Variants in RILPL1 observed in about 807,000 individuals in gnomAD.
RILPL1 encodes RILP-like protein 1.
A neutral mutation model predicts 50.3 loss-of-function variants in RILPL1; 33 were observed. The observed-to-expected ratio is 0.66, with a 90% CI of 0.50 to 0.88. The LOEUF (loss-of-function observed/expected upper bound fraction) is 0.88. Ranked by LOEUF, RILPL1 falls within the 40% of genes least tolerant of loss-of-function variation. The pLI, the probability that RILPL1 is intolerant of heterozygous loss-of-function variation, is 0.00. For synonymous variants in RILPL1, 205 were observed against 228.6 expected (o/e 0.90, Z 0.93); for missense variants, 418 against 542.5 (o/e 0.77, Z 2.28).
intron 1 of RILPL1, among the ~76,000 whole-genome samples, chr12:123,524,370 A>C (rs1313400052): frequency 6.6e-6 from 1 of 152,124 alleles, no homozygotes; most frequent in Admixed American, 6.6e-5. Context: ...TTTGGAAAAC[A>C]CTCTGGCAGT....
chr12:123,505,173 T>C (rs1883655435), intron 2 of RILPL1, among the ~76,000 whole-genome samples: 1 of 152,206 alleles, frequency 6.6e-6, no homozygotes, highest in Non-Finnish European at 1.5e-5. Flanking sequence ...CCTGAGTAGC[T>C]GGTACTACAG....
At chr12:123,521,352 T>C (rs1181978974) in intron 2 of RILPL1, among the ~76,000 whole-genome samples, 3 of 151,914 alleles carry the variant, frequency 2.0e-5, no homozygotes, top group Non-Finnish European at 4.4e-5. Flanking sequence ...CTGGGCCGCC[T>C]GGCTCCAGAA....
In RILPL1 at chr12:123,484,186, T is replaced by C; in HGVS notation, c.1061A>G (p.Lys354Arg). ...RTSPQPESGI[K>R]RLFSFFSRDK... is the part of the protein sequence containing the mutation. ...CTGGCAGCGCATCACTTACAGTCGC[T>C]TGATGCCCGACTCCGGCTGGGGGGA... Residue 354 changes from lysine (K) to arginine (R), a missense_variant, in exon 6 of 7, where the codon AAG (lysine) becomes AGG (arginine). By Grantham distance (26) the Lys-to-Arg change is conservative (BLOSUM62 2). Coordinates refer to ENST00000376874, the MANE Select transcript of RILPL1 (RefSeq NM_178314.5). The C allele has an allele frequency of 6.2e-7, 1 of 1,604,204 alleles. No individual in the cohort carries two copies. Among genetic ancestry groups the C allele is most frequent in the Middle Eastern group, 1.7e-4 (1 of 6,010 alleles).
intron 1 of RILPL1, among the ~76,000 whole-genome samples, chr12:123,530,805 G>A (rs1057453209): frequency 2.0e-5 from 3 of 152,232 alleles, no homozygotes; most frequent in African/African-American, 7.2e-5. Flanking sequence ...ACCAAGAAGG[G>A]CACTGTGCTC....
chr12:123,522,269 C>T lies in RILPL1; in HGVS notation c.460+1226G>A, dbSNP rs1885094542. Among the ~76,000 whole-genome samples the T allele has an allele frequency of 6.6e-6, 1 of 152,220 alleles. No homozygotes were observed. The highest frequency in any genetic ancestry group is 1.5e-5 in the Non-Finnish European group (1 of 68,046). On this transcript the variant is annotated intron_variant, in intron 2 of 6. Coordinates refer to ENST00000376874, the MANE Select transcript of RILPL1 (RefSeq NM_178314.5). The surrounding 1 kb of genome is among the most constrained non-coding windows in gnomAD (Gnocchi z 4.0). ...CCCTGCTTTAGCGGGCAGGAAGCTG[C>T]AGGGCTGAGCAGAGCAGATGCCGCC...
intron 1 of RILPL1, among the ~76,000 whole-genome samples, chr12:123,527,654 C>T (rs1028514097): frequency 1.3e-5 from 2 of 151,958 alleles, no homozygotes; most frequent in Non-Finnish European, 2.9e-5. Flanking sequence ...CAGACTGAAA[C>T]TGTGTCTCAA....
At chr12:123,511,354 CTGTGTGTGGTGTCTGTGTGAGGTCTG>C (rs1884175179) in intron 2 of RILPL1, among the ~76,000 whole-genome samples, 1 of 105,430 alleles carries the variant, frequency 9.5e-6, no homozygotes, top group Non-Finnish European at 2.0e-5. Context: ...AATGTGAGGT[CTGTGTGTGGTGTCTGTGTGAGGTCTG>C]TGTGTGTGGT....
intron 4 of RILPL1, among the ~76,000 whole-genome samples, chr12:123,486,466 C>T (rs912550230): frequency 1.3e-5 from 2 of 152,106 alleles, no homozygotes; most frequent in African/African-American, 4.8e-5. Flanking sequence ...TCTTGCATAG[C>T]GAGGGAGCCT....
Position 123,485,055 on chromosome 12 carries a change from AG to A in RILPL1, c.974+577del, listed in dbSNP as rs1882239564. 4.6e-6 allele frequency: 2 copies of A among 437,050 alleles called. No individual in the cohort carries two copies. The highest frequency in any genetic ancestry group is 5.0e-5 in the Admixed American group (2 of 40,160). 27.1% of individuals were successfully genotyped at this position (437,050 alleles called of 1,614,324 possible). A position where few individuals can be genotyped will look rare whatever the true frequency, so the allele number is the denominator to read the frequency against. On this transcript the variant is annotated intron_variant, in intron 5 of 6. Transcript: ENST00000376874. The surrounding 1 kb of genome is among the most constrained non-coding windows in gnomAD (Gnocchi z 4.0). ...ATGCATCTCTTATCTTCCCCACTGG[AG>A]CAGGGACCACCTCTGGTGCATGGGT...
rs116235386 is a variant in RILPL1, at chr12:123,506,164, C to T, written c.461-6628G>A. On this transcript the variant is annotated intron_variant, in intron 2 of 6. Transcript: ENST00000376874. ...GGCCTCTCAGGGCAGGGGTCATTTC[C>T]GCTGAGACCAGAGGCCACAGAGGAA... Among the ~76,000 whole-genome samples, 363 of 152,260 alleles carry T rather than the reference C, an allele frequency of 2.4e-3. 2 individuals are homozygous for T. The highest frequency in any genetic ancestry group is 8.4e-3 in the African/African-American group (349 of 41,556).
intron 4 of RILPL1, among the ~76,000 whole-genome samples, chr12:123,486,419 C>T (rs1187056339): frequency 6.6e-6 from 1 of 152,186 alleles, no homozygotes; most frequent in Non-Finnish European, 1.5e-5. Context: ...TGCTAAGTCA[C>T]CTGCCCCAGG....
chr12:123,495,094 T>A (rs1354689699), intron 4 of RILPL1, among the ~76,000 whole-genome samples: 1 of 152,180 alleles, frequency 6.6e-6, no homozygotes, highest in Non-Finnish European at 1.5e-5. Flanking sequence ...AGTAGTTGTT[T>A]CGGTGATAGG....
rs184504961 is a variant in RILPL1 at position 123,515,739 on chromosome 12, C to T, written c.460+7756G>A. Among the ~76,000 whole-genome samples the T allele has an allele frequency of 4.0e-3, 604 of 151,098 alleles. 3 individuals carry two copies. The highest frequency in any genetic ancestry group is 0.014 in the African/African-American group (568 of 41,386). ...TGTTGGGATTACAGGTGTGAGCCAC[C>T]GAGCCAAACACCAGGCTGGGCGTGG... On this transcript the variant is annotated intron_variant, in intron 2 of 6. Transcript: ENST00000376874.
intron 2 of RILPL1, among the ~76,000 whole-genome samples, chr12:123,508,954 G>T (rs1342363486): frequency 2.0e-5 from 3 of 152,088 alleles, no homozygotes; most frequent in Admixed American, 1.3e-4. Flanking sequence ...GGGAAGCTGA[G>T]GAGGGCGGAT....
intron 2 of RILPL1, among the ~76,000 whole-genome samples, chr12:123,509,259 A>T (rs1436062378): frequency 6.6e-6 from 1 of 152,202 alleles, no homozygotes; most frequent in Non-Finnish European, 1.5e-5. Context: ...AATGTTACTC[A>T]GCCTTAAAAA....
At chr12:123,525,108 G>T (rs1885203994) in intron 1 of RILPL1, among the ~76,000 whole-genome samples, 1 of 151,964 alleles carries the variant, frequency 6.6e-6, no homozygotes, top group African/African-American at 2.4e-5. Context: ...CTCCAGCCTG[G>T]GTGACAGAGT....
chr12:123,504,376 T>G (rs1883605557), intron 2 of RILPL1, among the ~76,000 whole-genome samples: 2 of 152,050 alleles, frequency 1.3e-5, no homozygotes, highest in African/African-American at 2.4e-5. Context: ...TCCTCTCTCT[T>G]GTCTTGGTGG....
chr12:123,526,745 T>C (rs1046863403), intron 1 of RILPL1, among the ~76,000 whole-genome samples: 15 of 152,026 alleles, frequency 9.9e-5, no homozygotes, highest in African/African-American at 3.4e-4. Context: ...GGGCGCAAGG[T>C]CACCAGGGGA....
At chr12:123,527,790 T>C (rs886626112) in intron 1 of RILPL1, among the ~76,000 whole-genome samples, 1 of 150,982 alleles carries the variant, frequency 6.6e-6, no homozygotes, top group Non-Finnish European at 1.5e-5. Context: ...ATGAGGGAGA[T>C]GGGAAGAAGC....
Sources: allele counts gnomAD v4.1 joint callset (sites outside exome capture counted in the v4.1 genomes callset), GRCh38; gene constraint gnomAD v4.1.1; non-coding constraint Gnocchi (gnomAD v3.1); transcripts MANE v1.5; gene names NCBI Gene and HGNC (gene_info 2026-07-23, HGNC 2026-07-21).